Variants in CNTN5 observed in about 807,000 individuals in gnomAD.
CNTN5 encodes the protein contactin 5, also known as contactin-5.
In CNTN5, 77 loss-of-function variants were observed where a neutral mutation model predicts 129.1. That is an observed-to-expected ratio of 0.60 (90% CI 0.50 to 0.72). The LOEUF (loss-of-function observed/expected upper bound fraction) is 0.72, where lower values mean the gene tolerates loss of function less well. Among genes scored for constraint, CNTN5 ranks in the 30% least tolerant of loss-of-function variants. The pLI is 0.00. For missense variants in CNTN5, 1,478 were observed against 1,328.8 expected (o/e 1.11, Z -1.75); for synonymous variants, 509 against 465.6 (o/e 1.09, Z -1.20).
chr11:99,096,765 A>T (rs912832858), intron 1 of CNTN5, among the ~76,000 whole-genome samples: 1 of 151,736 alleles, frequency 6.6e-6, no homozygotes, highest in African/African-American at 2.4e-5. Flanking sequence ...AAACTAGTCT[A>T]CTAAATACGT....
intron 6 of CNTN5, among the ~76,000 whole-genome samples, chr11:99,890,357 AAAG>A (rs1293187769): frequency 6.6e-6 from 1 of 152,080 alleles, no homozygotes; most frequent in Non-Finnish European, 1.5e-5. Flanking sequence ...CTCAGTATAT[AAAG>A]AAATATATTC....
chr11:99,622,269 A>G (rs1305647864), intron 3 of CNTN5, among the ~76,000 whole-genome samples: 1 of 152,204 alleles, frequency 6.6e-6, no homozygotes, highest in Non-Finnish European at 1.5e-5. Context: ...AATAAAATTT[A>G]CAACACGTGG....
At chr11:99,403,557 C>A (rs888755011) in intron 2 of CNTN5, among the ~76,000 whole-genome samples, 15 of 151,984 alleles carry the variant, frequency 9.9e-5, no homozygotes, top group African/African-American at 3.6e-4. Context: ...GTTTGGTTTC[C>A]ATTATCATTT....
intron 1 of CNTN5, chr11:99,049,903 A>T (rs1864359575): frequency 3.9e-5 from 6 of 152,118 alleles, no homozygotes; most frequent in Admixed American, 3.9e-4. Flanking sequence ...TCTATTTTCC[A>T]TGTTTTCCAA....
chr11:100,181,856 T>C (rs916391931), intron 13 of CNTN5, among the ~76,000 whole-genome samples: 4 of 152,138 alleles, frequency 2.6e-5, no homozygotes, highest in Middle Eastern at 6.8e-3. Flanking sequence ...CTTAGAGAAA[T>C]TGAAGACCTA....
chr11:99,558,174 G>T, intron 3 of CNTN5: 1 of 195,994 alleles, frequency 5.1e-6, no homozygotes, highest in Non-Finnish European at 1.0e-5. Flanking sequence ...AGAGTCTTCA[G>T]ATATTTTATT....
chr11:99,121,044 C>T (rs1858292922), intron 1 of CNTN5, among the ~76,000 whole-genome samples: 1 of 152,016 alleles, frequency 6.6e-6, no homozygotes, highest in Non-Finnish European at 1.5e-5. Context: ...TTCAGTAGGC[C>T]TGTTATGGCA....
chr11:99,870,754 A>C (rs1948483586), intron 6 of CNTN5, among the ~76,000 whole-genome samples: 1 of 152,212 alleles, frequency 6.6e-6, no homozygotes, highest in Non-Finnish European at 1.5e-5. Flanking sequence ...AACCTTCATC[A>C]TATTTCCCCT....
chr11:99,753,766 G>A (rs1258282315), intron 3 of CNTN5, among the ~76,000 whole-genome samples: 1 of 141,900 alleles, frequency 7.0e-6, no homozygotes, highest in Non-Finnish European at 1.5e-5. Context: ...TCGGCTCACT[G>A]CAACCTCCAC....
intron 21 of CNTN5, among the ~76,000 whole-genome samples, chr11:100,310,619 C>T (rs1015709444): frequency 5.9e-5 from 9 of 151,474 alleles, no homozygotes; most frequent in African/African-American, 1.9e-4. Flanking sequence ...AAGAAATAAG[C>T]GCATGATTTT....
At chr11:100,063,812 A>C (rs560465389) in intron 10 of CNTN5, among the ~76,000 whole-genome samples, 5 of 152,158 alleles carry the variant, frequency 3.3e-5, no homozygotes, top group African/African-American at 1.2e-4. Context: ...ACCTGAACCC[A>C]GAAAGTCAAC....
intron 6 of CNTN5, among the ~76,000 whole-genome samples, chr11:99,868,225 A>C (rs933452960): frequency 1.3e-5 from 2 of 152,122 alleles, no homozygotes; most frequent in Admixed American, 6.6e-5. Flanking sequence ...TCATAAAAAA[A>C]AAAAAACAAA....
intron 2 of CNTN5, among the ~76,000 whole-genome samples, chr11:99,451,723 C>T (rs573531951): frequency 1.3e-5 from 2 of 152,254 alleles, no homozygotes; most frequent in Non-Finnish European, 2.9e-5. Flanking sequence ...ATCTTTTAAA[C>T]ATAGTACCTA....
intron 8 of CNTN5, among the ~76,000 whole-genome samples, chr11:99,986,953 G>A (rs1229223558): frequency 6.6e-6 from 1 of 152,122 alleles, no homozygotes; most frequent in Non-Finnish European, 1.5e-5. Context: ...CGGAGAAATG[G>A]AGAGAACATC....
intron 1 of CNTN5, among the ~76,000 whole-genome samples, chr11:99,165,725 G>C (rs762891470): frequency 7.2e-5 from 11 of 152,216 alleles, no homozygotes; most frequent in Non-Finnish European, 1.3e-4. Flanking sequence ...GCTTTCCATG[G>C]TTAATGTTGG....
intron 3 of CNTN5, among the ~76,000 whole-genome samples, chr11:99,631,208 T>C (rs528935470): frequency 3.3e-5 from 5 of 152,242 alleles, no homozygotes; most frequent in Admixed American, 1.3e-4. Flanking sequence ...AATACTGTAC[T>C]AAATTTCTAG....
At chr11:99,792,573 G>GTGTGCGTCTGTC (rs34622017) in intron 3 of CNTN5, among the ~76,000 whole-genome samples, 1 of 116,614 alleles carries the variant, frequency 8.6e-6, no homozygotes, top group African/African-American at 3.7e-5. Context: ...GTGTGTGTGT[G>GTGTGCGTCTGTC]TGTCTGTCTG....
intron 3 of CNTN5, among the ~76,000 whole-genome samples, chr11:99,662,510 G>T (rs1237189017): frequency 1.3e-5 from 2 of 152,154 alleles, no homozygotes; most frequent in Admixed American, 1.3e-4. Flanking sequence ...AGTGATGATA[G>T]ATTATGCTCA....
At chr11:99,041,767 T>C (rs1253319794) in intron 1 of CNTN5, among the ~76,000 whole-genome samples, 2 of 152,214 alleles carry the variant, frequency 1.3e-5, no homozygotes, top group Non-Finnish European at 1.5e-5. Context: ...ATCTATTATA[T>C]GAATAAGAGC....
Sources: gnomAD v4.1 joint callset for allele counts (sites outside exome capture counted in the v4.1 genomes callset) on GRCh38, gnomAD v4.1.1 for gene constraint, MANE v1.5 for transcripts, NCBI Gene and HGNC (gene_info 2026-07-23, HGNC 2026-07-21) for gene names.